ZNF385C: variants seen among roughly 807,000 people sequenced by gnomAD.
ZNF385C encodes the protein CTD-2132N18.2.
ZNF385C carries 28 observed loss-of-function variants against 35.4 expected under a neutral mutation model. That is an observed-to-expected ratio of 0.79 (90% CI 0.59 to 1.08). The LOEUF (loss-of-function observed/expected upper bound fraction) is 1.08. Ranked by LOEUF, ZNF385C falls within the 50% of genes least tolerant of loss-of-function variation. The pLI is 0.00. For synonymous variants in ZNF385C, 248 were observed against 248.2 expected (o/e 1.00, Z 0.01); for missense variants, 605 against 595.6 (o/e 1.02, Z -0.16).
At chr17:42,035,187 C>T (rs1361608552) in intron 3 of ZNF385C, among the ~76,000 whole-genome samples, 3 of 149,606 alleles carry the variant, frequency 2.0e-5, no homozygotes, top group African/African-American at 7.4e-5. Flanking sequence ...GAAAAATACA[C>T]AGCCTCTCCC....
At chr17:42,038,764 T>C (rs1265556782) in intron 2 of ZNF385C, 2 of 152,252 alleles carry the variant, frequency 1.3e-5, no homozygotes, top group African/African-American at 4.8e-5. Context: ...TACACAGTTA[T>C]ACACAGAAAA....
chr17:42,046,024 C>A (rs1208024377), intron 2 of ZNF385C, among the ~76,000 whole-genome samples: 1 of 152,220 alleles, frequency 6.6e-6, no homozygotes, highest in Non-Finnish European at 1.5e-5. Flanking sequence ...TCTCCCTCCT[C>A]TTTCCTTACT....
intron 2 of ZNF385C, chr17:42,039,927 G>C: frequency 8.1e-7 from 1 of 1,231,252 alleles, no homozygotes; most frequent in South Asian, 4.1e-5. Flanking sequence ...CCAAAGCCAA[G>C]GCGGCTAGGG....
chr17:42,077,800 C>T (rs542351360), intron 1 of ZNF385C, among the ~76,000 whole-genome samples: 30 of 152,262 alleles, frequency 2.0e-4, no homozygotes, highest in African/African-American at 6.0e-4. Context: ...CCACCCCACC[C>T]ATCATGGGTT....
At chr17:42,052,867 C>A (rs1555657249) in intron 2 of ZNF385C, among the ~76,000 whole-genome samples, 1 of 152,238 alleles carries the variant, frequency 6.6e-6, no homozygotes, top group Non-Finnish European at 1.5e-5. Context: ...ATCCCCCTAC[C>A]CCCAAGTCAC....
chr17:42,029,410 A>G (rs782556387), intron 5 of ZNF385C, among the ~76,000 whole-genome samples: 1 of 152,230 alleles, frequency 6.6e-6, no homozygotes, highest in Non-Finnish European at 1.5e-5. Flanking sequence ...CCAACAGGAG[A>G]GCAGATTTTT....
At chr17:42,027,987 G>T in intron 7 of ZNF385C, 63 bp downstream of exon 7, 1 of 1,573,112 alleles carries the variant, frequency 6.4e-7, no homozygotes, top group Non-Finnish European at 8.7e-7. Context: ...CCCTCCCTCT[G>T]CTGCCCTGCC....
intron 1 of ZNF385C, among the ~76,000 whole-genome samples, chr17:42,097,487 G>T (rs2143969391): frequency 6.6e-6 from 1 of 152,250 alleles, no homozygotes. Flanking sequence ...GGCTTGCGAT[G>T]ATCTCAGGAA....
chr17:42,072,220 T>C (rs1411444823), intron 1 of ZNF385C, among the ~76,000 whole-genome samples: 2 of 152,098 alleles, frequency 1.3e-5, no homozygotes, highest in Non-Finnish European at 2.9e-5. Context: ...GACGGTGGGT[T>C]ATCTGGTCGC....
At chr17:42,082,464 C>T (rs1555659794) in intron 1 of ZNF385C, among the ~76,000 whole-genome samples, 1 of 152,256 alleles carries the variant, frequency 6.6e-6, no homozygotes, top group South Asian at 2.1e-4. Context: ...TAGATCCCTA[C>T]TCCACCCCCT....
At chr17:42,066,864 C>G (rs1303054519) in intron 1 of ZNF385C, among the ~76,000 whole-genome samples, 2 of 151,938 alleles carry the variant, frequency 1.3e-5, no homozygotes, top group Non-Finnish European at 2.9e-5. Context: ...ATCAGGAGTT[C>G]AAGACCAGCC....
intron 2 of ZNF385C, among the ~76,000 whole-genome samples, chr17:42,052,345 C>T (rs2053298331): frequency 6.6e-6 from 1 of 152,184 alleles, no homozygotes; most frequent in Non-Finnish European, 1.5e-5. Context: ...CAGACAGACA[C>T]ACACACACGA....
At chr17:42,027,547 C>G (rs181190891) in intron 8 of ZNF385C, 71 bp downstream of exon 8, 15 of 736,286 alleles carry the variant, frequency 2.0e-5, no homozygotes, top group East Asian at 1.5e-4. Context: ...CGCAGCCCCC[C>G]CATCTGGCCC....
At chr17:42,094,316 T>G (rs564644276) in intron 1 of ZNF385C, among the ~76,000 whole-genome samples, 1 of 152,294 alleles carries the variant, frequency 6.6e-6, no homozygotes, top group East Asian at 1.9e-4. Flanking sequence ...GCTCTCCTTT[T>G]GCCGAGACTC....
chr17:42,045,164 G>A (rs1312913492), intron 2 of ZNF385C, among the ~76,000 whole-genome samples: 4 of 152,168 alleles, frequency 2.6e-5, no homozygotes, highest in Non-Finnish European at 4.4e-5. Context: ...TGATCCGTCC[G>A]CCTCGGCCTC....
At chr17:42,039,893 G>A in intron 2 of ZNF385C, 1 of 1,231,462 alleles carries the variant, frequency 8.1e-7, no homozygotes, top group Non-Finnish European at 1.0e-6. Context: ...ACCTTGTCCA[G>A]CAGGCCAGCG....
chr17:42,027,982 C>A, intron 7 of ZNF385C, 68 bp downstream of exon 7: 1 of 1,563,658 alleles, frequency 6.4e-7, no homozygotes, highest in South Asian at 1.1e-5. Flanking sequence ...AGGGTCCCTC[C>A]CTCTGCTGCC....
In ZNF385C at chr17:42,095,496, T is replaced by C. The variant is rs1431091451; in HGVS notation, c.-3+2914A>G. On this transcript the variant is annotated intron_variant, in intron 1 of 8. Transcript: ENST00000692273. This position sits in a 1 kb window ranked among gnomAD's most constrained non-coding sequence, Gnocchi z 4.4. The stretch of plus-strand genomic sequence containing the variant: ...CCCCCAGGCTAGCTTCCATCCCTCC[T>C]GCTGCTGCGGCCCCATTTAGCTCTC... Among the ~76,000 whole-genome samples the C allele has an allele frequency of 6.6e-5, 10 of 152,178 alleles. No homozygotes were observed. Among genetic ancestry groups the C allele is most frequent in the African/African-American group, 2.4e-4 (10 of 41,446 alleles).
rs371223343 is a variant in ZNF385C at position 42,076,514 on chromosome 17, CA to C, written c.-2-13457del. On this transcript the variant is annotated intron_variant, in intron 1 of 8. Coordinates refer to ENST00000692273, the MANE Select transcript of ZNF385C (RefSeq NM_001392013.1). ...GCGGGTGCCTGTAGTCCCAGCTACT[CA>C]GGAGGCTGAGGCAGGAGAATGGTGT... Among the ~76,000 whole-genome samples, 29 of 152,222 alleles carry C rather than the reference CA, an allele frequency of 1.9e-4. No individual in the cohort carries two copies. The East Asian group carries it at 2.3e-3, about 12-fold the overall frequency.
Sources: gnomAD v4.1 joint callset for allele counts (sites outside exome capture counted in the v4.1 genomes callset) on GRCh38, gnomAD v4.1.1 for gene constraint, Gnocchi (gnomAD v3.1) non-coding constraint, MANE v1.5 for transcripts, NCBI Gene and HGNC (gene_info 2026-07-23, HGNC 2026-07-21) for gene names.